Variants in HAP1 observed in about 807,000 individuals in gnomAD.
HAP1 encodes the protein huntingtin associated protein 1.
A neutral mutation model predicts 60.3 loss-of-function variants in HAP1; 59 were observed. The ratio of observed to expected loss-of-function variants is 0.98; its 90% confidence interval spans 0.79 to 1.22. The LOEUF (loss-of-function observed/expected upper bound fraction) is 1.22, where lower values mean the gene tolerates loss of function less well. Ranked by LOEUF, HAP1 falls within the 50% of genes most tolerant of loss-of-function variation. The pLI is 0.00. For synonymous variants in HAP1, 346 were observed against 330.6 expected (o/e 1.05, Z -0.50); for missense variants, 825 against 785.3 (o/e 1.05, Z -0.60).
chr17:41,720,407 C>T (rs530026148), downstream of HAP1, among the ~76,000 whole-genome samples: 5 of 150,512 alleles, frequency 3.3e-5, no homozygotes, highest in East Asian at 9.9e-4. Context: ...GTTGCTCAGG[C>T]TGGTCTTGAA....
At chr17:41,725,795 C>T in intron 10 of HAP1, 64 bp downstream of exon 10, 1 of 1,220,774 alleles carries the variant, frequency 8.2e-7, no homozygotes, top group Non-Finnish European at 1.2e-6. Flanking sequence ...GAACCAGAGG[C>T]AGGTGGGCTG....
In HAP1 at chr17:41,724,614, G is replaced by A; in HGVS notation, c.*87C>T. 1.1e-6 allele frequency: 1 copy of A among 922,248 alleles called. No individual in the cohort carries two copies. Among genetic ancestry groups the A allele is most frequent in the Non-Finnish European group, 1.7e-6 (1 of 592,242 alleles). 57.1% of individuals were successfully genotyped at this position (922,248 alleles called of 1,614,324 possible). A position where few individuals can be genotyped will look rare whatever the true frequency, so the allele number is the denominator to read the frequency against. On this transcript the variant is annotated 3_prime_UTR_variant, in exon 11 of 11. Coordinates refer to ENST00000347901, the MANE Select transcript of HAP1 (RefSeq NM_177977.3). ...GGGGATCAGAGGTGTCTATGCAAAT[G>A]ATATGCAAAGTCCATGCAAATAAGC...
downstream of HAP1, chr17:41,720,879 A>AACCTCC (rs1432778051): frequency 6.6e-6 from 1 of 151,514 alleles, no homozygotes; most frequent in Non-Finnish European, 1.5e-5. Flanking sequence ...AGCTCACCGC[A>AACCTCC]ACCTCCACCT....
intron 6 of HAP1, among the ~76,000 whole-genome samples, chr17:41,731,130 CA>C (rs1257021731): frequency 6.6e-6 from 1 of 152,134 alleles, no homozygotes; most frequent in African/African-American, 2.4e-5. Flanking sequence ...AGGCTGGTCT[CA>C]AACTCCTGAC....
downstream of HAP1, among the ~76,000 whole-genome samples, chr17:41,719,346 T>C (rs1269854221): frequency 6.6e-6 from 1 of 152,198 alleles, no homozygotes; most frequent in Admixed American, 6.6e-5. Flanking sequence ...GAATGGACCA[T>C]TTTATGTATT....
At chr17:41,733,376 T>TTTTTTC (rs1488293614) in intron 1 of HAP1, among the ~76,000 whole-genome samples, 2 of 134,564 alleles carry the variant, frequency 1.5e-5, no homozygotes, top group Non-Finnish European at 3.2e-5. Context: ...TTTTTTTTTT[T>TTTTTTC]ACCCCTGGAG....
At chr17:41,727,683 T>A in intron 8 of HAP1, 79 bp downstream of exon 8, 1 of 867,910 alleles carries the variant, frequency 1.2e-6, no homozygotes, top group Non-Finnish European at 1.9e-6. Flanking sequence ...CAGAGTCAGG[T>A]AGCTGCCAAG....
At chr17:41,734,130 C>T (rs1555591881) in intron 1 of HAP1, 36 bp downstream of exon 1, 1 of 1,516,156 alleles carries the variant, frequency 6.6e-7, no homozygotes, top group Non-Finnish European at 8.9e-7. Flanking sequence ...TTGCCCCAGT[C>T]CCCACCCGGT....
rs782501654 is a variant in HAP1, at chr17:41,732,407, C to A, written c.550-13G>T. 9 of 1,613,268 alleles carry A rather than the reference C, an allele frequency of 5.6e-6. No homozygotes were observed. The highest frequency in any genetic ancestry group is 6.8e-6 in the Non-Finnish European group (8 of 1,179,732). On this transcript the variant is annotated splice_polypyrimidine_tract_variant and intron_variant, in intron 2 of 10. Transcript: ENST00000347901. ...CAGGTGGGAGAAGCTGGGGGGGACACAGGGGTCAGAGAGAGGCTAGGCCCC... is the reference window on the plus strand; with the variant it reads ...CAGGTGGGAGAAGCTGGGGGGGACAAAGGGGTCAGAGAGAGGCTAGGCCCC...
chr17:41,717,908 CTCCAT>C (rs1465052955), downstream of HAP1: 1 of 445,582 alleles, frequency 2.2e-6, no homozygotes, highest in Non-Finnish European at 4.9e-6. Context: ...TGGTGTCTCA[CTCCAT>C]TCCATCATTG....
intron 4 of HAP1, 24 bp from the exon 5 acceptor site, chr17:41,731,767 C>A (rs782246045): frequency 6.5e-7 from 1 of 1,549,630 alleles, no homozygotes; most frequent in South Asian, 1.1e-5. Context: ...GAATGGGAGT[C>A]AGGGTGCAGG....
At chr17:41,734,084 G>A in intron 1 of HAP1, 82 bp downstream of exon 1, 1 of 1,134,508 alleles carries the variant, frequency 8.8e-7, no homozygotes, top group Non-Finnish European at 1.2e-6. Flanking sequence ...AGGGGGCGGG[G>A]TGCCTGGACC....
downstream of HAP1, chr17:41,718,016 C>T (rs575457130): frequency 6.4e-6 from 3 of 468,898 alleles, no homozygotes; most frequent in East Asian, 7.0e-5. Context: ...CTTAGGTCCT[C>T]GGCTGGGGCT....
chr17:41,728,812 G>A (rs1027926059), intron 6 of HAP1, among the ~76,000 whole-genome samples: 1 of 152,208 alleles, frequency 6.6e-6, no homozygotes, highest in African/African-American at 2.4e-5. Flanking sequence ...ACACTGGGAC[G>A]GGGAGGGCCC....
chr17:41,724,753 T>G lies in HAP1; in HGVS notation c.1808A>C (p.His603Pro). 3 of 1,601,950 alleles carry G rather than the reference T, an allele frequency of 1.9e-6. No individual in the cohort carries two copies. Among genetic ancestry groups the G allele is most frequent in the Non-Finnish European group, 2.6e-6 (3 of 1,170,766 alleles). Residue 603 changes from histidine to proline, a missense_variant, in exon 11 of 11, where the codon CAC (histidine) becomes CCC (proline). By Grantham distance (77) the His-to-Pro change is moderately conservative (BLOSUM62 -2). Transcript: ENST00000347901. ...WKMLQKGECP[H>P]GALPAASRTS... ...CCGGCTGGCGGCAGGGAGGGCCCCG[T>G]GGGGGCACTCACCTTTCTGGAGCAT...
At chr17:41,731,240 A>G (rs1232186555) in intron 6 of HAP1, among the ~76,000 whole-genome samples, 2 of 152,166 alleles carry the variant, frequency 1.3e-5, no homozygotes, top group South Asian at 2.1e-4. Context: ...ATAGCTCTTT[A>G]TAGTTTGCAC....
chr17:41,732,079 G>A lies in HAP1; in HGVS notation c.754C>T (p.Leu252Phe). The change falls in exon 4 of 11, where the codon CTC becomes TTC. Residue 252 changes from leucine to phenylalanine, a missense_variant. Physicochemically the swap from Leu to Phe is conservative, Grantham distance 22 (BLOSUM62 0). Transcript: ENST00000347901. Reference sequence around the variant, plus strand: ...TCAGAATCTGAGTAGAGCTGGAGGAGCTCATCCCGCAAGTTCACCTGGTGT... The same window carrying A: ...TCAGAATCTGAGTAGAGCTGGAGGAACTCATCCCGCAAGTTCACCTGGTGT... ...LRHQVNLRDE[L>F]LQLYSDSDEE... The A allele has an allele frequency of 6.2e-7, 1 of 1,613,458 alleles. No individual in the cohort carries two copies.
At position 41,725,859 on chromosome 17, in the gene HAP1, C is replaced by G; in HGVS notation, c.1406G>C (p.Arg469Thr). ...EMPRGDTSSL[R>T]YDFRYSEDRE... ...GTAGGGGAGCCCCTGGCAGGCTTACCTTAGGCTGGATGTGTCCCCTCTGGG... is the reference window on the plus strand; with the variant it reads ...GTAGGGGAGCCCCTGGCAGGCTTACGTTAGGCTGGATGTGTCCCCTCTGGG... The change falls in exon 10 of 11, where the codon AGG becomes ACG. Residue 469 changes from arginine to threonine, a missense_variant and splice_region_variant. By Grantham distance (71) the Arg-to-Thr change is moderately conservative. Coordinates refer to ENST00000347901, the MANE Select transcript of HAP1 (RefSeq NM_177977.3). 1.2e-6 allele frequency: 2 copies of G among 1,612,496 alleles called. No homozygotes were observed. Among genetic ancestry groups the G allele is most frequent in the Non-Finnish European group, 1.7e-6 (2 of 1,178,504 alleles).
At position 41,731,690 on chromosome 17, in the gene HAP1, A is replaced by T; in HGVS notation, c.950T>A (p.Leu317Ter). ...CTCCAGCAGCCTCAGCTTCTCCTGC[A>T]AGGCTTCCAGCTGTGGGCAGTGGTG... ...HQHHCPQLEALQEKLRLLEEE... is the reference protein window; with the variant it reads ...HQHHCPQLEA The change falls in exon 5 of 11, where the codon TTG becomes TAG. Residue 317 changes from leucine to a stop codon, truncating the protein, a stop_gained. Coordinates refer to ENST00000347901, the MANE Select transcript of HAP1 (RefSeq NM_177977.3). LOFTEE classifies it high-confidence loss of function. 1 of 1,614,096 alleles carries T rather than the reference A, an allele frequency of 6.2e-7. No individual in the cohort carries two copies. Among genetic ancestry groups the T allele is most frequent in the Non-Finnish European group, 8.5e-7 (1 of 1,180,010 alleles).
Sources: allele counts gnomAD v4.1 joint callset (sites outside exome capture counted in the v4.1 genomes callset), GRCh38; gene constraint gnomAD v4.1.1; transcripts MANE v1.5; gene names NCBI Gene and HGNC (gene_info 2026-07-23, HGNC 2026-07-21).